EXOC6B: variants seen among roughly 807,000 people sequenced by gnomAD.
EXOC6B encodes the protein exocyst complex component 6B, also known as SEC15 homolog B.
A neutral mutation model predicts 113.5 loss-of-function variants in EXOC6B; 54 were observed. The ratio of observed to expected loss-of-function variants is 0.48; its 90% CI spans 0.38 to 0.60. The LOEUF (loss-of-function observed/expected upper bound fraction) is 0.60, where lower values mean the gene tolerates loss of function less well. EXOC6B is among the 20% of genes least tolerant of loss of function. EXOC6B has a pLI of 0.00. For synonymous variants in EXOC6B, 357 were observed against 339.0 expected (o/e 1.05, Z -0.58); for missense variants, 797 against 977.5 (o/e 0.82, Z 2.46).
chr2:72,585,551 C>T (rs1705507712), intron 6 of EXOC6B, among the ~76,000 whole-genome samples: 1 of 151,126 alleles, frequency 6.6e-6, no homozygotes, highest in East Asian at 2.0e-4. Context: ...GATCCGAGAT[C>T]ACGCCATTGC....
intron 1 of EXOC6B, among the ~76,000 whole-genome samples, chr2:72,752,417 T>C: frequency 6.6e-6 from 1 of 152,150 alleles, no homozygotes; most frequent in East Asian, 1.9e-4. Context: ...AGCTGATTTC[T>C]TTCGAAACAT....
At chr2:72,368,780 T>C (rs1289114018) in intron 19 of EXOC6B, among the ~76,000 whole-genome samples, 1 of 152,168 alleles carries the variant, frequency 6.6e-6, no homozygotes, top group Non-Finnish European at 1.5e-5. Context: ...ATTATCTCAA[T>C]AGATGCAGAA....
chr2:72,506,652 T>C (rs2105626461), intron 11 of EXOC6B, among the ~76,000 whole-genome samples: 1 of 152,312 alleles, frequency 6.6e-6, no homozygotes, highest in Admixed American at 6.5e-5. Context: ...ATTAATAACC[T>C]AGTCTTCTAC....
chr2:72,396,628 C>T (rs1017036269), intron 18 of EXOC6B, among the ~76,000 whole-genome samples: 1 of 152,062 alleles, frequency 6.6e-6, no homozygotes, highest in Non-Finnish European at 1.5e-5. Flanking sequence ...CCCCTGTTCT[C>T]GGAGTTCCTG....
chr2:72,336,315 T>C (rs1265743660), intron 19 of EXOC6B, among the ~76,000 whole-genome samples: 1 of 152,338 alleles, frequency 6.6e-6, no homozygotes, highest in Admixed American at 6.5e-5. Context: ...GCTGGATAGA[T>C]CCAAATGGTA....
chr2:72,601,146 G>A (rs1032008583), intron 6 of EXOC6B, among the ~76,000 whole-genome samples: 15 of 150,314 alleles, frequency 1.0e-4, no homozygotes, highest in Non-Finnish European at 1.8e-4. Flanking sequence ...GTGTGTGTGT[G>A]TGTGTGTGTG....
At chr2:72,226,200 T>G (rs966793748) in intron 20 of EXOC6B, among the ~76,000 whole-genome samples, 1 of 152,186 alleles carries the variant, frequency 6.6e-6, no homozygotes, top group Non-Finnish European at 1.5e-5. Flanking sequence ...CGAGGTATCC[T>G]CAACTGGGTC....
rs187678690 is a variant in EXOC6B, at chr2:72,420,282, G to A, written c.1981-40412C>T. The stretch of plus-strand genomic sequence containing the variant: ...CTTTAAGTTCTGGGGTACATGTGCA[G>A]AATGTGCAGGTTTGTTACATAGGTA... On this transcript the variant is annotated intron_variant, in intron 18 of 21. Transcript: ENST00000272427. Among the ~76,000 whole-genome samples, 449 of 152,122 alleles carry A rather than the reference G, an allele frequency of 3.0e-3. 2 individuals are homozygous for A. Among genetic ancestry groups the A allele is most frequent in the African/African-American group, 0.011 (436 of 41,504 alleles).
chr2:72,824,553 G>C (rs1464041221), intron 1 of EXOC6B, among the ~76,000 whole-genome samples: 4 of 152,166 alleles, frequency 2.6e-5, no homozygotes, highest in African/African-American at 9.7e-5. Flanking sequence ...AAGTGGAGAG[G>C]AGGAGTAATT....
intron 1 of EXOC6B, among the ~76,000 whole-genome samples, chr2:72,777,710 C>T (rs1158549268): frequency 1.3e-5 from 2 of 152,056 alleles, no homozygotes; most frequent in African/African-American, 2.4e-5. Flanking sequence ...GTACCTCCTC[C>T]TTTTTCCTAT....
intron 6 of EXOC6B, among the ~76,000 whole-genome samples, chr2:72,655,111 CAT>C (rs1157767648): frequency 7.9e-5 from 12 of 152,114 alleles, no homozygotes. Context: ...ACGTGAGACA[CAT>C]ATTCAGTGTC....
intron 18 of EXOC6B, among the ~76,000 whole-genome samples, chr2:72,429,473 AG>A (rs1170810333): frequency 6.6e-6 from 1 of 152,238 alleles, no homozygotes; most frequent in East Asian, 1.9e-4. Context: ...TAATCATAGC[AG>A]GTAAGACATT....
intron 20 of EXOC6B, among the ~76,000 whole-genome samples, chr2:72,318,878 T>G (rs1473254345): frequency 6.8e-6 from 1 of 147,562 alleles, no homozygotes; most frequent in Non-Finnish European, 1.5e-5. Context: ...AAAGGTACAC[T>G]CTAATACCTA....
intron 6 of EXOC6B, among the ~76,000 whole-genome samples, chr2:72,578,277 G>C (rs7565198): frequency 0.84 from 128,137 of 151,992 alleles, 54,714 homozygotes; most frequent in East Asian, 0.99. Context: ...AATTGGGCAG[G>C]TGGGGAGAGG....
intron 20 of EXOC6B, among the ~76,000 whole-genome samples, chr2:72,229,292 G>A (rs1015733510): frequency 5.3e-5 from 8 of 152,106 alleles, no homozygotes; most frequent in Non-Finnish European, 1.2e-4. Flanking sequence ...ATAGGGAGAC[G>A]TCGTTAAGAT....
At chr2:72,295,085 G>A (rs1573199803) in intron 20 of EXOC6B, among the ~76,000 whole-genome samples, 1 of 151,806 alleles carries the variant, frequency 6.6e-6, no homozygotes, top group Admixed American at 6.6e-5. Flanking sequence ...ATAAAAATTA[G>A]CCGGGCATAG....
intron 1 of EXOC6B, among the ~76,000 whole-genome samples, chr2:72,798,986 C>T (rs1685130221): frequency 6.6e-6 from 1 of 152,022 alleles, no homozygotes; most frequent in African/African-American, 2.4e-5. Flanking sequence ...CGCCTGTAAT[C>T]CCAGCACCTT....
intron 20 of EXOC6B, among the ~76,000 whole-genome samples, chr2:72,316,826 G>A (rs1329339633): frequency 6.6e-6 from 1 of 152,174 alleles, no homozygotes; most frequent in African/African-American, 2.4e-5. Flanking sequence ...CCAAAGGGGG[G>A]ACAATTAAAT....
intron 1 of EXOC6B, among the ~76,000 whole-genome samples, chr2:72,815,001 A>G (rs1268689245): frequency 1.3e-5 from 2 of 152,228 alleles, no homozygotes; most frequent in East Asian, 3.8e-4. Context: ...AAAAAAATAA[A>G]ATAAAATAAA....
Sources: gnomAD v4.1 joint callset for allele counts (sites outside exome capture counted in the v4.1 genomes callset) on GRCh38, gnomAD v4.1.1 for gene constraint, MANE v1.5 for transcripts, NCBI Gene and HGNC (gene_info 2026-07-23, HGNC 2026-07-21) for gene names.